PPARGC1A: variants seen among roughly 807,000 people sequenced by gnomAD.
PPARGC1A encodes PPARG coactivator 1 alpha, also known as peroxisome proliferator-activated receptor gamma coactivator 1-alpha.
Under a neutral mutation model 88.7 loss-of-function variants are expected in PPARGC1A, and 25 were observed. The ratio of observed to expected loss-of-function variants is 0.28; its 90% CI spans 0.21 to 0.39. The LOEUF (loss-of-function observed/expected upper bound fraction) is 0.39. Ranked by LOEUF, PPARGC1A falls within the 10% of genes least tolerant of loss-of-function variation. The pLI is 1.00. For synonymous variants in PPARGC1A, 363 were observed against 355.6 expected (o/e 1.02, Z -0.24); for missense variants, 880 against 968.7 (o/e 0.91, Z 1.22).
intron 2 of PPARGC1A, chr4:23,881,079 A>ACAGACTGC (rs1171012298): frequency 6.6e-6 from 1 of 152,222 alleles, no homozygotes; most frequent in Non-Finnish European, 1.5e-5. Flanking sequence ...ATCCATCTTT[A>ACAGACTGC]CAGACTGCTG....
chr4:24,249,221 C>A, the PPARGC1A span, among the ~76,000 whole-genome samples: 3 of 152,078 alleles, frequency 2.0e-5, no homozygotes, highest in Non-Finnish European at 4.4e-5. Context: ...ATATAAATAA[C>A]CACTATGAAC....
At chr4:24,467,231 C>A in the PPARGC1A span, among the ~76,000 whole-genome samples, 1 of 152,076 alleles carries the variant, frequency 6.6e-6, no homozygotes, top group African/African-American at 2.4e-5. Context: ...CTCCTATACC[C>A]CTAGGAGAAA....
intron 5 of PPARGC1A, among the ~76,000 whole-genome samples, 154 bp from the exon 6 acceptor site, chr4:23,824,662 A>G (rs1199527475): frequency 6.6e-6 from 1 of 152,160 alleles, no homozygotes; most frequent in Non-Finnish European, 1.5e-5. Context: ...ACAAAAGTCC[A>G]TTATGCTAAA....
the PPARGC1A span, among the ~76,000 whole-genome samples, chr4:24,310,790 C>T: frequency 1.1e-4 from 16 of 152,138 alleles, no homozygotes; most frequent in Non-Finnish European, 1.8e-4. Context: ...ATCTGAGATA[C>T]GATGTGAATT....
At chr4:24,194,988 A>G in the PPARGC1A span, among the ~76,000 whole-genome samples, 10 of 152,308 alleles carry the variant, frequency 6.6e-5, no homozygotes, top group African/African-American at 2.2e-4. Flanking sequence ...ACAAATAGCT[A>G]AGGTATCCCA....
chr4:24,451,429 A>G, the PPARGC1A span, among the ~76,000 whole-genome samples: 1 of 152,196 alleles, frequency 6.6e-6, no homozygotes, highest in African/African-American at 2.4e-5. Flanking sequence ...TCTTCTACAT[A>G]TGTACATAGG....
chr4:24,106,109 C>T, the PPARGC1A span, among the ~76,000 whole-genome samples: 5 of 152,264 alleles, frequency 3.3e-5, no homozygotes, highest in South Asian at 2.1e-4. Context: ...TCCCCGCCCC[C>T]GGATGCCCTC....
At chr4:24,143,183 C>G in the PPARGC1A span, among the ~76,000 whole-genome samples, 6 of 152,302 alleles carry the variant, frequency 3.9e-5, 1 homozygote, top group East Asian at 5.8e-4. Context: ...GATGTTTACT[C>G]TCTTGTTTTT....
chr4:24,115,635 C>T, the PPARGC1A span, among the ~76,000 whole-genome samples: 1 of 152,126 alleles, frequency 6.6e-6, no homozygotes, highest in African/African-American at 2.4e-5. Context: ...GCTCTCTAAC[C>T]AGCTCCCAGT....
intron 2 of PPARGC1A, among the ~76,000 whole-genome samples, chr4:23,873,209 AT>A (rs1560488082): frequency 0.017 from 2,447 of 141,962 alleles, 343 homozygotes; most frequent in African/African-American, 0.026. Context: ...AAAATAAAAA[AT>A]AAAAAATAAA....
At chr4:24,144,149 G>C in the PPARGC1A span, among the ~76,000 whole-genome samples, 1 of 152,158 alleles carries the variant, frequency 6.6e-6, no homozygotes, top group Admixed American at 6.5e-5. Context: ...TTGCAATATA[G>C]AGAGCATCCC....
chr4:24,378,528 C>T, the PPARGC1A span, among the ~76,000 whole-genome samples: 1 of 151,432 alleles, frequency 6.6e-6, no homozygotes, highest in Admixed American at 6.6e-5. Context: ...ACTGTAAAAA[C>T]AATTTCACCG....
At chr4:24,334,618 C>T in the PPARGC1A span, among the ~76,000 whole-genome samples, 1 of 152,188 alleles carries the variant, frequency 6.6e-6, no homozygotes, top group South Asian at 2.1e-4. Flanking sequence ...TCCACAGATT[C>T]TGTTTTCCGA....
chr4:24,194,084 G>A, the PPARGC1A span, among the ~76,000 whole-genome samples: 19 of 147,800 alleles, frequency 1.3e-4, no homozygotes, highest in African/African-American at 3.8e-4. Context: ...AGCCAAGATC[G>A]TGCCATTGCA....
the PPARGC1A span, among the ~76,000 whole-genome samples, chr4:24,416,859 C>T: frequency 2.0e-5 from 3 of 152,082 alleles, no homozygotes; most frequent in East Asian, 3.9e-4. Flanking sequence ...GGCCAAACCC[C>T]GTCTCTACTA....
chr4:24,376,171 G>A, the PPARGC1A span, among the ~76,000 whole-genome samples: 1 of 152,160 alleles, frequency 6.6e-6, no homozygotes, highest in Non-Finnish European at 1.5e-5. Flanking sequence ...ACTTTGAAGT[G>A]TGATGCATAG....
chr4:24,255,114 A>G, the PPARGC1A span, among the ~76,000 whole-genome samples: 1 of 152,226 alleles, frequency 6.6e-6, no homozygotes, highest in East Asian at 1.9e-4. Flanking sequence ...TGAAATTCAA[A>G]TAAATATAGT....
At chr4:23,849,390 T>C (rs544615563) in intron 2 of PPARGC1A, among the ~76,000 whole-genome samples, 10 of 152,330 alleles carry the variant, frequency 6.6e-5, no homozygotes, top group Admixed American at 4.6e-4. Flanking sequence ...ATCACAATCT[T>C]TAGCCCTGAA....
chr4:24,034,892 T>C, the PPARGC1A span, among the ~76,000 whole-genome samples: 1 of 151,814 alleles, frequency 6.6e-6, no homozygotes, highest in African/African-American at 2.4e-5. Context: ...TTGGGAAGCA[T>C]CTGGACAATA....
Sources: allele counts gnomAD v4.1 joint callset (sites outside exome capture counted in the v4.1 genomes callset), GRCh38; gene constraint gnomAD v4.1.1; transcripts MANE v1.5; gene names NCBI Gene and HGNC (gene_info 2026-07-23, HGNC 2026-07-21).